The following PLCB1 variants were observed in gnomAD, a reference collection of about 807,000 sequenced individuals.
PLCB1 encodes phospholipase C beta 1.
A neutral mutation model predicts 161.8 loss-of-function variants in PLCB1; 46 were observed. The observed-to-expected ratio is 0.28, with a 90% CI of 0.22 to 0.36. The LOEUF (loss-of-function observed/expected upper bound fraction) is 0.36, where lower values mean the gene tolerates loss of function less well. Among genes scored for constraint, PLCB1 ranks in the 10% least tolerant of loss-of-function variants. The pLI is 1.00. For synonymous variants in PLCB1, 517 were observed against 503.7 expected (o/e 1.03, Z -0.35); for missense variants, 1,016 against 1,472.5 (o/e 0.69, Z 5.07).
chr20:8,246,740 G>A (rs1980898106), intron 2 of PLCB1, among the ~76,000 whole-genome samples: 1 of 151,832 alleles, frequency 6.6e-6, no homozygotes, highest in Non-Finnish European at 1.5e-5. Flanking sequence ...GTGTGCATAT[G>A]TGTTTCTGCT....
At chr20:8,377,093 G>A (rs1464000321) in intron 3 of PLCB1, among the ~76,000 whole-genome samples, 1 of 152,158 alleles carries the variant, frequency 6.6e-6, no homozygotes, top group Non-Finnish European at 1.5e-5. Context: ...AGACCTATCA[G>A]CAGGTTCCAG....
At position 8,150,315 on chromosome 20, in the gene PLCB1, A is replaced by G. The variant is rs191106606; in HGVS notation, c.121A>G (p.Ile41Val). The G allele has an allele frequency of 1.9e-6, 3 of 1,545,482 alleles. No homozygotes were observed. Among genetic ancestry groups the G allele is most frequent in the Admixed American group, 3.5e-5 (2 of 56,676 alleles). ...CTAGGACTCAACTATTGTTACTCCA[A>G]TTATTTTGAGGACTGACCCTCAGGG... The part of the protein sequence containing the change: ...WDDDSTIVTP[I>V]ILRTDPQGFF... The change falls in exon 2 of 32, where the codon ATT becomes GTT. Residue 41 changes from isoleucine (I) to valine (V), a missense_variant. Ile to Val is a conservative substitution (Grantham distance 29, BLOSUM62 3). This residue lies in a region of PLCB1 where 181 missense variants were observed against 236.7 expected (regional missense o/e 0.76). Coordinates refer to ENST00000338037, the MANE Select transcript of PLCB1 (RefSeq NM_015192.4).
chr20:8,279,674 A>G (rs1262147985), intron 2 of PLCB1, among the ~76,000 whole-genome samples: 2 of 152,232 alleles, frequency 1.3e-5, no homozygotes, highest in African/African-American at 4.8e-5. Flanking sequence ...TTATACAGTG[A>G]TGGAAATGAA....
chr20:8,132,844 G>A lies in PLCB1; in HGVS notation c.99+94G>A, dbSNP rs2051306749. The A allele has an allele frequency of 2.4e-6, 2 of 837,460 alleles. No homozygotes were observed. Among genetic ancestry groups the A allele is most frequent in the Non-Finnish European group, 2.0e-6 (1 of 512,270 alleles). The allele number at this position is 837,460 out of a possible 1,614,324, so 51.9% of individuals were successfully genotyped here. A position where few individuals can be genotyped will look rare whatever the true frequency, so the allele number is the denominator to read the frequency against. On this transcript the variant is annotated intron_variant, in intron 1 of 31. Coordinates refer to ENST00000338037, the MANE Select transcript of PLCB1 (RefSeq NM_015192.4). This position sits in a 1 kb window ranked among gnomAD's most constrained non-coding sequence, Gnocchi z 5.2. The stretch of plus-strand genomic sequence containing the variant: ...GGGGCAAGGGGCGCGTTATGCAATG[G>A]GCGCACTGGGAGCGGGCAGGGGCAG...
chr20:8,763,871 A>T (rs985454849), intron 25 of PLCB1, among the ~76,000 whole-genome samples: 2 of 152,020 alleles, frequency 1.3e-5, no homozygotes, highest in African/African-American at 2.4e-5. Context: ...TCAGCATGGG[A>T]TAAAAAAATC....
At chr20:8,639,620 C>T (rs1988875696) in intron 4 of PLCB1, among the ~76,000 whole-genome samples, 1 of 152,226 alleles carries the variant, frequency 6.6e-6, no homozygotes. Context: ...ATGTTGGTCA[C>T]CCAGCTGCTA....
intron 1 of PLCB1, among the ~76,000 whole-genome samples, chr20:8,135,993 G>C (rs984803665): frequency 2.6e-5 from 4 of 152,138 alleles, no homozygotes; most frequent in Admixed American, 2.0e-4. Context: ...GACATGGAGA[G>C]AAAGAGCAAG....
At chr20:8,639,302 G>C (rs1988867407) in intron 4 of PLCB1, among the ~76,000 whole-genome samples, 1 of 152,166 alleles carries the variant, frequency 6.6e-6, no homozygotes, top group Non-Finnish European at 1.5e-5. Flanking sequence ...GTGCCAGCGG[G>C]TTGTCTGTGA....
At chr20:8,546,541 C>G (rs1985556998) in intron 3 of PLCB1, among the ~76,000 whole-genome samples, 1 of 152,046 alleles carries the variant, frequency 6.6e-6, no homozygotes, top group African/African-American at 2.4e-5. Context: ...TTTATGGAAA[C>G]TGAGACCATA....
intron 3 of PLCB1, among the ~76,000 whole-genome samples, chr20:8,374,644 C>A (rs560910930): frequency 6.6e-6 from 1 of 152,102 alleles, no homozygotes; most frequent in African/African-American, 2.4e-5. Context: ...GAAAACTAGA[C>A]CATTGAGTTG....
At chr20:8,198,807 C>T (rs2052057217) in intron 2 of PLCB1, among the ~76,000 whole-genome samples, 1 of 152,000 alleles carries the variant, frequency 6.6e-6, no homozygotes, top group Non-Finnish European at 1.5e-5. Context: ...TTTCCAACTA[C>T]AATTACAAAT....
intron 31 of PLCB1, among the ~76,000 whole-genome samples, chr20:8,844,425 C>T (rs564360463): frequency 6.6e-5 from 10 of 152,296 alleles, no homozygotes; most frequent in Admixed American, 4.6e-4. Context: ...AGCCCTTGAA[C>T]GTGTGGGACA....
intron 3 of PLCB1, among the ~76,000 whole-genome samples, chr20:8,539,422 C>T (rs1194460177): frequency 6.6e-6 from 1 of 152,066 alleles, no homozygotes; most frequent in Non-Finnish European, 1.5e-5. Context: ...ATCAGTCACC[C>T]AATGGACATA....
At chr20:8,316,746 G>A (rs975662074) in intron 2 of PLCB1, among the ~76,000 whole-genome samples, 2 of 152,090 alleles carry the variant, frequency 1.3e-5, no homozygotes, top group Non-Finnish European at 2.9e-5. Context: ...GAAAGACGAG[G>A]GGTGGGAAGT....
intron 3 of PLCB1, among the ~76,000 whole-genome samples, chr20:8,433,724 A>C (rs968280928): frequency 6.1e-5 from 9 of 146,774 alleles, no homozygotes; most frequent in South Asian, 2.2e-4. Context: ...CCTCCTCCTC[A>C]TCCTCCTCCT....
At chr20:8,571,940 A>G (rs907847414) in intron 3 of PLCB1, among the ~76,000 whole-genome samples, 2 of 152,200 alleles carry the variant, frequency 1.3e-5, no homozygotes, top group Admixed American at 6.5e-5. Context: ...TAAAGATACT[A>G]AAATAGAACA....
chr20:8,540,624 C>T (rs1417439939), intron 3 of PLCB1, among the ~76,000 whole-genome samples: 1 of 150,384 alleles, frequency 6.6e-6, no homozygotes, highest in African/African-American at 2.4e-5. Context: ...AATTACTCCA[C>T]ATGTCTAAGT....
Position 8,649,404 on chromosome 20 carries a change from G to C in PLCB1, c.549G>C (p.Lys183Asn). 6.2e-7 allele frequency: 1 copy of C among 1,613,756 alleles called. No individual in the cohort carries two copies. Among genetic ancestry groups the C allele is most frequent in the Non-Finnish European group, 8.5e-7 (1 of 1,179,636 alleles). Residue 183 changes from lysine (K) to asparagine (N), a missense_variant, in exon 7 of 32, where the codon AAG (lysine) becomes AAC (asparagine). Physicochemically the swap from Lys to Asn is moderately conservative, Grantham distance 94. Coordinates refer to ENST00000338037, the MANE Select transcript of PLCB1 (RefSeq NM_015192.4). ...NIYRLFSADR[K>N]RVETALEACS... is the part of the protein sequence containing the mutation. ...ATCGCTTGTTTTCAGCAGATCGGAA[G>C]CGAGTTGAAACTGCTTTAGAGGCTT...
At chr20:8,190,925 A>T (rs6055624) in intron 2 of PLCB1, among the ~76,000 whole-genome samples, 2 of 151,920 alleles carry the variant, frequency 1.3e-5, no homozygotes, top group African/African-American at 2.4e-5. Context: ...CAGCCAGTAC[A>T]TAGTAAGCTA....
Sources: gnomAD v4.1 joint callset for allele counts (sites outside exome capture counted in the v4.1 genomes callset) on GRCh38, gnomAD v4.1.1 for gene constraint, gnomAD v4.1.1 regional missense constraint, Gnocchi (gnomAD v3.1) non-coding constraint, MANE v1.5 for transcripts, NCBI Gene and HGNC (gene_info 2026-07-23, HGNC 2026-07-21) for gene names.